PTGES2: variants seen among roughly 807,000 people sequenced by gnomAD.
PTGES2 encodes GATE-binding factor 1.
Under a neutral mutation model 44.5 loss-of-function variants are expected in PTGES2, and 35 were observed. The observed-to-expected ratio is 0.79, with a 90% CI of 0.60 to 1.04. The LOEUF is 1.04. PTGES2 is among the 50% of genes least tolerant of loss of function. The pLI, the probability that PTGES2 is intolerant of heterozygous loss-of-function variation, is 0.00. For missense variants in PTGES2, 517 were observed against 521.4 expected (o/e 0.99, Z 0.08); for synonymous variants, 221 against 227.5 (o/e 0.97, Z 0.26).
At position 128,123,236 on chromosome 9, in the gene PTGES2, C is replaced by G; in HGVS notation, c.687-102G>C. The G allele has an allele frequency of 8.8e-7, 1 of 1,131,324 alleles. No homozygotes were observed. The highest frequency in any genetic ancestry group is 1.2e-6 in the Non-Finnish European group (1 of 811,788). The allele number at this position is 1,131,324 out of a possible 1,614,324, so 70.1% of individuals were successfully genotyped here. On this transcript the variant is annotated intron_variant, in intron 4 of 6. Coordinates refer to ENST00000338961, the MANE Select transcript of PTGES2 (RefSeq NM_025072.7). This position sits in a 1 kb window ranked among gnomAD's most constrained non-coding sequence, Gnocchi z 4.4. Reference sequence around the variant, plus strand: ...CACTGCACGGGCGGGAAGCTGAAGCCTGAGCAGGAAGGTCTTTTTTTTTTT... The same window carrying G: ...CACTGCACGGGCGGGAAGCTGAAGCGTGAGCAGGAAGGTCTTTTTTTTTTT...
intron 5 of PTGES2, 32 bp downstream of exon 5, chr9:128,122,902 A>T (rs758265326): frequency 2.3e-5 from 37 of 1,605,954 alleles, no homozygotes; most frequent in Non-Finnish European, 1.4e-5. Context: ...AGGCTCGGGG[A>T]CAGCAGGCCC....
intron 5 of PTGES2, 83 bp from the exon 6 acceptor site, chr9:128,122,562 G>T: frequency 8.1e-7 from 1 of 1,231,420 alleles, no homozygotes; most frequent in Non-Finnish European, 1.2e-6. Context: ...GGGAGAGGGG[G>T]GAGGTGTGGA....
intron 5 of PTGES2, 135 bp from the exon 6 acceptor site, chr9:128,122,614 C>T (rs1022839312): frequency 3.7e-5 from 27 of 728,890 alleles, no homozygotes; most frequent in African/African-American, 1.2e-4. Context: ...CATCTGCAGA[C>T]GCCTCAGGGA....
intron 3 of PTGES2, 43 bp downstream of exon 3, chr9:128,124,449 C>A (rs1209713541): frequency 8.8e-6 from 14 of 1,592,064 alleles, no homozygotes; most frequent in Non-Finnish European, 1.1e-5. Context: ...CTGGAGGAAG[C>A]CACCAAAAGC....
Position 128,120,970 on chromosome 9 carries a change from A to T in PTGES2, c.*175T>A. 1 of 809,192 alleles carries T rather than the reference A, an allele frequency of 1.2e-6. No individual in the cohort carries two copies. Among genetic ancestry groups the T allele is most frequent in the East Asian group, 2.8e-5 (1 of 35,684 alleles). The allele number at this position is 809,192 out of a possible 1,614,324, so 50.1% of individuals were successfully genotyped here. On this transcript the variant is annotated 3_prime_UTR_variant, in exon 7 of 7. Coordinates refer to ENST00000338961, the MANE Select transcript of PTGES2 (RefSeq NM_025072.7). ...GGCAGGGCTGGAACTCGTCCCTAACATCCCTGAGCCCCAGCAGGTGCCCTG... is the reference window on the plus strand; with the variant it reads ...GGCAGGGCTGGAACTCGTCCCTAACTTCCCTGAGCCCCAGCAGGTGCCCTG...
In PTGES2 at chr9:128,122,359, C is replaced by T; in HGVS notation, c.1005+3G>A. ...AGGCACCACCTGCCACCACCACACT[C>T]ACCAAATCAGCGAGATTCGGCTTCT... On this transcript the variant is annotated splice_donor_region_variant and intron_variant, in intron 6 of 6. Coordinates refer to ENST00000338961, the MANE Select transcript of PTGES2 (RefSeq NM_025072.7). The T allele has an allele frequency of 6.2e-7, 1 of 1,612,578 alleles. No homozygotes were observed. Among genetic ancestry groups the T allele is most frequent in the South Asian group, 1.1e-5 (1 of 91,060 alleles).
rs548909502 is a variant in PTGES2 at position 128,122,856 on chromosome 9, G to A, written c.887+78C>T. 1.2e-5 allele frequency: 18 copies of A among 1,480,040 alleles called. No individual in the cohort carries two copies. The African/African-American group carries it at 2.5e-4, about 20-fold the overall frequency. 91.7% of individuals were successfully genotyped at this position (1,480,040 alleles called of 1,614,324 possible). On this transcript the variant is annotated intron_variant, in intron 5 of 6. Coordinates refer to ENST00000338961, the MANE Select transcript of PTGES2 (RefSeq NM_025072.7). ...CCTCGGCCTCCCGCTGGTCTCCTGA[G>A]GGGTGTGATGGGATCACCACTGCTC...
At position 128,124,676 on chromosome 9, in the gene PTGES2, C is replaced by T. The variant is rs527554641; in HGVS notation, c.478-126G>A. The T allele has an allele frequency of 1.3e-3, 1,607 of 1,277,258 alleles. 1 individual carries two copies. Among genetic ancestry groups the T allele is most frequent in the Non-Finnish European group, 1.6e-3 (1,493 of 934,682 alleles). The allele number at this position is 1,277,258 out of a possible 1,614,324, so 79.1% of individuals were successfully genotyped here. A position where few individuals can be genotyped will look rare whatever the true frequency, so the allele number is the denominator to read the frequency against. On this transcript the variant is annotated intron_variant, in intron 2 of 6. Coordinates refer to ENST00000338961, the MANE Select transcript of PTGES2 (RefSeq NM_025072.7). ...CTGGGGACATGCCCGGAGTCCTCCC[C>T]GCCCTGCCCTCAGGGCACCCATCCT...
At chr9:128,121,469 G>C (rs1374101338) in intron 6 of PTGES2, among the ~76,000 whole-genome samples, 196 bp from the exon 7 acceptor site, 1 of 152,084 alleles carries the variant, frequency 6.6e-6, no homozygotes, top group Non-Finnish European at 1.5e-5. Flanking sequence ...CTTCACATCT[G>C]TACCCCCTTT....
chr9:128,125,696 T>C (rs1046132693), intron 1 of PTGES2, among the ~76,000 whole-genome samples: 1 of 152,134 alleles, frequency 6.6e-6, no homozygotes, highest in Non-Finnish European at 1.5e-5. Flanking sequence ...TTCTAGTCTC[T>C]GTCCCATACT....
chr9:128,125,670 T>C (rs1416214617), intron 1 of PTGES2, among the ~76,000 whole-genome samples: 2 of 151,978 alleles, frequency 1.3e-5, no homozygotes, highest in Non-Finnish European at 2.9e-5. Context: ...TGCTGCGAGG[T>C]TGTGTAGGAG....
At chr9:128,128,180 G>C, upstream of PTGES2, 1 of 206,396 alleles carries the variant, frequency 4.8e-6, no homozygotes, top group Non-Finnish European at 9.7e-6. Context: ...AGGTGTTGCG[G>C]TTCTCTCTGC....
In PTGES2 at chr9:128,124,484, C is replaced by T. The variant is rs201052258; in HGVS notation, c.536+8G>A. On this transcript the variant is annotated splice_region_variant and intron_variant, in intron 3 of 6. Coordinates refer to ENST00000338961, the MANE Select transcript of PTGES2 (RefSeq NM_025072.7). The stretch of plus-strand genomic sequence containing the variant: ...CAATGGCCACCTGGTCTCCGAGGGG[C>T]TCCTTACCCCGACACCAGGTAGGTC... 5.4e-5 allele frequency: 87 copies of T among 1,613,302 alleles called. 1 individual carries two copies. In the East Asian group the frequency reaches 1.4e-3, roughly 26 times the overall value.
At position 128,127,657 on chromosome 9, in the gene PTGES2, T is replaced by C. The variant is rs2130859612; in HGVS notation, c.61A>G (p.Arg21Gly). Reference protein sequence around the residue: ...LWPGGCALAWRLGGRPQPLLP... With the variant: ...LWPGGCALAWGLGGRPQPLLP... ...AGCGGCTGGGGGCGGCCTCCCAGCC[T>C]CCAGGCCAAGGCGCACCCACCAGGC... is the stretch of plus-strand genomic sequence containing the variant. Residue 21 changes from arginine to glycine, a missense_variant, in exon 1 of 7, where the codon AGG (arginine) becomes GGG (glycine). Physicochemically the swap from Arg to Gly is moderately radical, Grantham distance 125 (BLOSUM62 -2). Transcript: ENST00000338961. The C allele has an allele frequency of 2.3e-6, 3 of 1,289,038 alleles. No individual in the cohort carries two copies. Among genetic ancestry groups the C allele is most frequent in the Non-Finnish European group, 2.9e-6 (3 of 1,018,772 alleles). The allele number at this position is 1,289,038 out of a possible 1,614,324, so 79.9% of individuals were successfully genotyped here. A position where few individuals can be genotyped will look rare whatever the true frequency, so the allele number is the denominator to read the frequency against.
chr9:128,121,087 C>A lies in PTGES2; in HGVS notation c.*58G>T. The A allele has an allele frequency of 1.1e-5, 17 of 1,548,728 alleles. No homozygotes were observed. The highest frequency in any genetic ancestry group is 1.5e-5 in the Non-Finnish European group (17 of 1,147,206). ...TATCGCCAGGCGCTGGCCCAGTGGC[C>A]CCAGGCCCTGGCAGCTGGCGTCTTC... On this transcript the variant is annotated 3_prime_UTR_variant, in exon 7 of 7. Coordinates refer to ENST00000338961, the MANE Select transcript of PTGES2 (RefSeq NM_025072.7).
chr9:128,127,998 G>C, upstream of PTGES2: 1 of 432,826 alleles, frequency 2.3e-6, no homozygotes, highest in Admixed American at 4.1e-5. Flanking sequence ...GGGGGCGAAC[G>C]TCTCCTCGCC....
intron 2 of PTGES2, 60 bp from the exon 3 acceptor site, chr9:128,124,610 G>C (rs776033674): frequency 1.9e-5 from 29 of 1,525,848 alleles, no homozygotes; most frequent in Middle Eastern, 1.7e-4. Context: ...GAGTCACCAG[G>C]GGCTCTTTAA....
upstream of PTGES2, chr9:128,127,901 G>A (rs1834700367): frequency 6.1e-6 from 3 of 491,140 alleles, no homozygotes; most frequent in Admixed American, 4.4e-5. Context: ...GCCCGCCAGA[G>A]CCGCAGAGGC....
In PTGES2 at chr9:128,124,510, T is replaced by C. The variant is rs777037911; in HGVS notation, c.518A>G (p.Lys173Arg). Residue 173 changes from lysine (K) to arginine (R), a missense_variant, in exon 3 of 7, where the codon AAG becomes AGG. Lys to Arg is a conservative substitution (Grantham distance 26). Coordinates refer to ENST00000338961, the MANE Select transcript of PTGES2 (RefSeq NM_025072.7). Reference protein sequence around the residue: ...NDSSVIISALKTYLVSGQPLE... With the variant: ...NDSSVIISALRTYLVSGQPLE... ...TCCTTACCCCGACACCAGGTAGGTC[T>C]TGAGGGCGCTGATGATGACAGAGGA... 1 of 1,613,750 alleles carries C rather than the reference T, an allele frequency of 6.2e-7. No homozygotes were observed. Among genetic ancestry groups the C allele is most frequent in the South Asian group, 1.1e-5 (1 of 91,066 alleles).
Sources: allele counts gnomAD v4.1 joint callset (sites outside exome capture counted in the v4.1 genomes callset), GRCh38; gene constraint gnomAD v4.1.1; non-coding constraint Gnocchi (gnomAD v3.1); transcripts MANE v1.5; gene names NCBI Gene and HGNC (gene_info 2026-07-23, HGNC 2026-07-21).